Variants in ATXN3 observed in about 807,000 individuals in gnomAD.
ATXN3 encodes the protein ataxin-3.
In ATXN3, 28 loss-of-function variants were observed where a neutral mutation model predicts 58.2. The observed-to-expected ratio is 0.48, with a 90% confidence interval of 0.36 to 0.66. The LOEUF (loss-of-function observed/expected upper bound fraction) is 0.66. Ranked by LOEUF, ATXN3 falls within the 30% of genes least tolerant of loss-of-function variation. The probability of loss-of-function intolerance (pLI) is 0.00; values close to 1 mark genes in which losing one functional copy is unlikely to be tolerated. For missense variants in ATXN3, 321 were observed against 422.1 expected, an observed-to-expected ratio of 0.76 and a Z score of 2.10; for synonymous variants, 113 against 138.5, an observed-to-expected ratio of 0.82 and a Z score of 1.29.
At chr14:92,066,016 C>G (rs1370355421) in intron 10 of ATXN3, among the ~76,000 whole-genome samples, 1 of 151,920 alleles carries the variant, frequency 6.6e-6, no homozygotes, top group African/African-American at 2.4e-5. Flanking sequence ...TGGTCTTGAA[C>G]TCCTGGGCTC....
intron 5 of ATXN3, among the ~76,000 whole-genome samples, chr14:92,090,202 A>C (rs1177752306): frequency 6.6e-6 from 1 of 152,158 alleles, no homozygotes; most frequent in Non-Finnish European, 1.5e-5. Context: ...ACCTGGGCTT[A>C]AGTGATTCTC....
intron 1 of ATXN3, among the ~76,000 whole-genome samples, chr14:92,098,051 C>T (rs372246575): frequency 5.9e-5 from 9 of 152,222 alleles, no homozygotes; most frequent in Admixed American, 5.2e-4. Flanking sequence ...TTTAGTCTCC[C>T]TCATTTTCAG....
At chr14:92,098,501 C>T (rs1389089865) in intron 1 of ATXN3, among the ~76,000 whole-genome samples, 1 of 152,076 alleles carries the variant, frequency 6.6e-6, no homozygotes, top group Non-Finnish European at 1.5e-5. Flanking sequence ...GCATGAGAAT[C>T]GCTTGAACCC....
intron 10 of ATXN3, 183 bp downstream of exon 10, chr14:92,070,752 T>TA (rs2059281666): frequency 7.4e-7 from 1 of 1,360,028 alleles, no homozygotes; most frequent in East Asian, 2.6e-5. Flanking sequence ...AGCTTTTTTT[T>TA]TTTTTTTTCT....
At chr14:92,069,979 T>G (rs2140340309) in intron 10 of ATXN3, among the ~76,000 whole-genome samples, 1 of 152,228 alleles carries the variant, frequency 6.6e-6, no homozygotes, top group South Asian at 2.1e-4. Flanking sequence ...ATGCTGAGAG[T>G]CTTTTCATGT....
intron 6 of ATXN3, among the ~76,000 whole-genome samples, chr14:92,085,103 A>G (rs1279946317): frequency 6.6e-6 from 1 of 152,082 alleles, no homozygotes; most frequent in Non-Finnish European, 1.5e-5. Context: ...ATGGTATTCT[A>G]TGAAGAGTGT....
intron 2 of ATXN3, among the ~76,000 whole-genome samples, chr14:92,047,286 A>G (rs1444871513): frequency 6.6e-6 from 1 of 152,242 alleles, no homozygotes; most frequent in African/African-American, 2.4e-5. Context: ...AGGCAAAACA[A>G]TTTGGTTGAT....
At chr14:92,102,235 A>G (rs2066996638) in intron 1 of ATXN3, among the ~76,000 whole-genome samples, 1 of 151,358 alleles carries the variant, frequency 6.6e-6, no homozygotes, top group South Asian at 2.1e-4. Context: ...AGAAGGAAGG[A>G]AGGAAGGAAA....
In ATXN3 at chr14:92,059,495, G is replaced by C. The variant is rs1335498651; in HGVS notation, c.*4825C>G. 6.6e-6 allele frequency: 1 copy of C among 152,108 alleles called. No homozygotes were observed. Among genetic ancestry groups the C allele is most frequent in the Non-Finnish European group, 1.5e-5 (1 of 68,028 alleles). The allele number at this position is 152,108 out of a possible 1,614,324, so 9.4% of individuals were successfully genotyped here. On this transcript the variant is annotated 3_prime_UTR_variant, in exon 11 of 11. Coordinates refer to ENST00000644486, the MANE Select transcript of ATXN3 (RefSeq NM_004993.6). ...GGGTCACATATATATCCATACTTAA[G>C]GACTCGATACAACAAACAATTCACT...
chr14:92,103,039 A>T (rs890398632), intron 1 of ATXN3, among the ~76,000 whole-genome samples: 8 of 152,094 alleles, frequency 5.3e-5, no homozygotes, highest in South Asian at 4.2e-4. Context: ...TATTATTACC[A>T]GTTTGCATTA....
intron 5 of ATXN3, among the ~76,000 whole-genome samples, chr14:92,091,836 T>A (rs899360917): frequency 6.6e-6 from 1 of 151,186 alleles, no homozygotes; most frequent in African/African-American, 2.4e-5. Flanking sequence ...CGGCCATGCA[T>A]CACCACGCCT....
chr14:92,105,569 C>T (rs987556926), intron 1 of ATXN3, among the ~76,000 whole-genome samples: 1 of 152,090 alleles, frequency 6.6e-6, no homozygotes, highest in Non-Finnish European at 1.5e-5. Context: ...CCCTTTGCTC[C>T]TCCTATTAAA....
chr14:92,091,037 A>G (rs2140999196), intron 5 of ATXN3, among the ~76,000 whole-genome samples: 1 of 142,596 alleles, frequency 7.0e-6, no homozygotes, highest in South Asian at 2.2e-4. Context: ...TCCCTGCCTC[A>G]GCCTCCTAAA....
At chr14:92,054,559 T>G (rs2057458880), downstream of ATXN3, among the ~76,000 whole-genome samples, 1 of 152,204 alleles carries the variant, frequency 6.6e-6, no homozygotes, top group African/African-American at 2.4e-5. Flanking sequence ...CACCCCTTGT[T>G]TAGCATATCA....
rs1566893586 is a variant in ATXN3 at position 92,060,247 on chromosome 14, CACATAT to C, written c.*4067_*4072del. ...ATATATATATACATATATATATACA[CACATAT>C]ATATATATATATATATATTTTTTTT... On this transcript the variant is annotated 3_prime_UTR_variant, in exon 11 of 11. Coordinates refer to ENST00000644486, the MANE Select transcript of ATXN3 (RefSeq NM_004993.6). The C allele has an allele frequency of 9.7e-6, 1 of 103,062 alleles. No individual in the cohort carries two copies. The highest frequency in any genetic ancestry group is 4.6e-5 in the African/African-American group (1 of 21,860). The allele number at this position is 103,062 out of a possible 1,614,324, so 6.4% of individuals were successfully genotyped here.
chr14:92,100,166 A>G (rs1487386134), intron 1 of ATXN3, among the ~76,000 whole-genome samples: 7 of 152,324 alleles, frequency 4.6e-5, no homozygotes, highest in African/African-American at 1.7e-4. Flanking sequence ...ACTACTGATG[A>G]GAGGATAAAT....
At chr14:92,099,943 AAAGG>A (rs1006949565) in intron 1 of ATXN3, among the ~76,000 whole-genome samples, 3 of 151,400 alleles carry the variant, frequency 2.0e-5, no homozygotes, top group African/African-American at 7.3e-5. Context: ...AGAAAGAAAG[AAAGG>A]AAGGAAGGAA....
chr14:92,057,654 C>T (rs723302), downstream of ATXN3, among the ~76,000 whole-genome samples: 41,252 of 151,916 alleles, frequency 0.27, 5,828 homozygotes, highest in East Asian at 0.36. Flanking sequence ...GTGCCCAATC[C>T]TAATTAAAGT....
chr14:92,105,314 G>A (rs1196363037), intron 1 of ATXN3, among the ~76,000 whole-genome samples: 1 of 152,136 alleles, frequency 6.6e-6, no homozygotes, highest in Non-Finnish European at 1.5e-5. Flanking sequence ...TACTCTGGAG[G>A]CAGAGGCGGG....
Sources: allele counts gnomAD v4.1 joint callset (sites outside exome capture counted in the v4.1 genomes callset), GRCh38; gene constraint gnomAD v4.1.1; transcripts MANE v1.5; gene names NCBI Gene and HGNC (gene_info 2026-07-23, HGNC 2026-07-21).